ADAMTSL1: variants seen among roughly 807,000 people sequenced by gnomAD.
ADAMTSL1 encodes the protein ADAMTS like 1.
In ADAMTSL1, 126 loss-of-function variants were observed where a neutral mutation model predicts 201.8. The observed-to-expected ratio is 0.62, with a 90% CI of 0.54 to 0.72. The LOEUF (loss-of-function observed/expected upper bound fraction) is 0.72. Among genes scored for constraint, ADAMTSL1 ranks in the 30% least tolerant of loss-of-function variants. The pLI, the probability that ADAMTSL1 is intolerant of heterozygous loss-of-function variation, is 0.00. For synonymous variants in ADAMTSL1, 1,121 were observed against 903.4 expected (o/e 1.24, Z -4.32); for missense variants, 2,679 against 2,277.8 (o/e 1.18, Z -3.59).
At chr9:18,003,841 C>G (rs1479594830) in intron 1 of ADAMTSL1, among the ~76,000 whole-genome samples, 2 of 151,994 alleles carry the variant, frequency 1.3e-5, no homozygotes, top group African/African-American at 2.4e-5. Flanking sequence ...ACCAGATTCT[C>G]TGTATTTAGA....
At position 18,306,293 on chromosome 9, in the gene ADAMTSL1, A is replaced by G. The variant is rs535506350; in HGVS notation, c.207+142312A>G. Among the ~76,000 whole-genome samples, 49 of 152,314 alleles carry G rather than the reference A, an allele frequency of 3.2e-4. 1 individual carries two copies. In the South Asian group the frequency reaches 8.7e-3, roughly 27 times the overall value. ...AATCAGAATGCTTCTTCTCCTCCAA[A>G]GGATCACAACTCCTCACCAGCAAGG... On this transcript the variant is annotated intron_variant, in intron 2 of 29. Coordinates refer to the ADAMTSL1 transcript ENST00000680146.
At position 18,777,557 on chromosome 9, in the gene ADAMTSL1, C is replaced by T. The variant is rs1217621780; in HGVS notation, c.3328C>T (p.Arg1110Cys). Reference sequence around the variant, plus strand: ...GGCCCAGCTGGCCCAGGAGATCTTCCGCAGCCACCTGGAGCACCAGGACAC... The same window carrying T: ...GGCCCAGCTGGCCCAGGAGATCTTCTGCAGCCACCTGGAGCACCAGGACAC... ...LVAQLAQEIF[R>C]SHLEHQDTLL... is the part of the protein sequence containing the mutation. The change falls in exon 19 of 29, where the codon CGC (arginine) becomes TGC (cysteine). Residue 1110 changes from arginine (R) to cysteine (C), a missense_variant. By Grantham distance (180) the Arg-to-Cys change is radical. Transcript: ENST00000380548. 13 of 1,605,784 alleles carry T rather than the reference C, an allele frequency of 8.1e-6. 1 individual carries two copies. The highest frequency in any genetic ancestry group is 6.7e-5 in the South Asian group (6 of 89,488).
At chr9:18,647,471 G>T (rs1454864505) in intron 7 of ADAMTSL1, among the ~76,000 whole-genome samples, 1 of 151,812 alleles carries the variant, frequency 6.6e-6, no homozygotes, top group African/African-American at 2.4e-5. Flanking sequence ...TCTTTTAATT[G>T]TGATATTAGG....
chr9:18,475,413 A>G (rs1199455853), intron 1 of ADAMTSL1, among the ~76,000 whole-genome samples: 4 of 152,202 alleles, frequency 2.6e-5, no homozygotes, highest in Non-Finnish European at 4.4e-5. Flanking sequence ...AGTCCAGGAG[A>G]TTCATCAAAT....
At chr9:18,146,292 C>A (rs1184079661) in intron 1 of ADAMTSL1, among the ~76,000 whole-genome samples, 1 of 152,108 alleles carries the variant, frequency 6.6e-6, no homozygotes, top group African/African-American at 2.4e-5. Context: ...CAAAAACCTG[C>A]AGTCAGATAT....
rs201549951 is a variant in ADAMTSL1, at chr9:17,909,546, A to G, written c.87+2624A>G. On this transcript the variant is annotated intron_variant, in intron 1 of 29. Coordinates refer to the ADAMTSL1 transcript ENST00000680146. ...ACACATGCACACGTATGTTTATTGC[A>G]GCATTATTCACAATAGCAAAGACTT... Among the ~76,000 whole-genome samples the G allele has an allele frequency of 8.9e-5, 6 of 67,494 alleles. 1 individual carries two copies. The highest frequency in any genetic ancestry group is 1.8e-4 in the African/African-American group (6 of 33,494). 44.3% of individuals were successfully genotyped at this position (67,494 alleles called of 152,430 possible).
chr9:18,592,077 C>G (rs1470430498), intron 4 of ADAMTSL1, among the ~76,000 whole-genome samples: 1 of 152,156 alleles, frequency 6.6e-6, no homozygotes, highest in Non-Finnish European at 1.5e-5. Context: ...CAGTGCATCT[C>G]ATTGATTTGC....
At chr9:18,539,054 C>G (rs1819971208) in intron 3 of ADAMTSL1, among the ~76,000 whole-genome samples, 1 of 152,180 alleles carries the variant, frequency 6.6e-6, no homozygotes, top group African/African-American at 2.4e-5. Flanking sequence ...CCAAGAGCCA[C>G]TCTAAGATGG....
chr9:18,299,707 C>T (rs1242563572), intron 2 of ADAMTSL1, among the ~76,000 whole-genome samples: 1 of 152,172 alleles, frequency 6.6e-6, no homozygotes, highest in East Asian at 1.9e-4. Flanking sequence ...GGGCGAGAGT[C>T]TCCAAGTGTT....
In ADAMTSL1 at chr9:18,706,848, T is replaced by A; in HGVS notation, c.1676T>A (p.Val559Glu). ...GTGCTCCTGTCTTTCTCTCAGTCCG[T>A]GGCTGACCTGCCTATTGACGAGTGT... ...CQVLLSFSQS[V>E]ADLPIDECEG... Residue 559 changes from valine to glutamate, a missense_variant, in exon 14 of 29, where the codon GTG (valine) becomes GAG (glutamate). Transcript: ENST00000380548. 6.2e-7 allele frequency: 1 copy of A among 1,613,202 alleles called. No homozygotes were observed. Among genetic ancestry groups the A allele is most frequent in the Non-Finnish European group, 8.5e-7 (1 of 1,179,490 alleles).
At chr9:18,091,455 C>A (rs10810900) in intron 1 of ADAMTSL1, among the ~76,000 whole-genome samples, 5,636 of 152,174 alleles carry the variant, frequency 0.037, 353 homozygotes, top group East Asian at 0.33. Flanking sequence ...CTTCTGCGAT[C>A]TCTGAATGTG....
At position 18,182,123 on chromosome 9, in the gene ADAMTSL1, C is replaced by G. The variant is rs1342206787; in HGVS notation, c.207+18142C>G. Among the ~76,000 whole-genome samples, 25 of 126,378 alleles carry G rather than the reference C, an allele frequency of 2.0e-4. No homozygotes were observed. In the Admixed American group the frequency reaches 2.4e-3, roughly 12 times the overall value. The allele number at this position is 126,378 out of a possible 152,430, so 82.9% of individuals were successfully genotyped here. ...TGGACACAGGAAGGGGAACATCACA[C>G]TCTGGGGCCTGTTGTGGTGTGGGGG... On this transcript the variant is annotated intron_variant, in intron 2 of 29. Coordinates refer to the ADAMTSL1 transcript ENST00000680146.
At chr9:18,013,084 C>T (rs1820122246) in intron 1 of ADAMTSL1, among the ~76,000 whole-genome samples, 1 of 151,538 alleles carries the variant, frequency 6.6e-6, no homozygotes, top group Non-Finnish European at 1.5e-5. Context: ...GGGTATTATT[C>T]CATAATTATT....
intron 3 of ADAMTSL1, among the ~76,000 whole-genome samples, chr9:18,540,793 C>A (rs1156588883): frequency 2.6e-5 from 4 of 152,082 alleles, no homozygotes; most frequent in East Asian, 1.9e-4. Context: ...GATTTCTTAA[C>A]CTCAGGTAGG....
At chr9:18,827,776 G>A (rs1435500185) in intron 22 of ADAMTSL1, among the ~76,000 whole-genome samples, 2 of 152,174 alleles carry the variant, frequency 1.3e-5, no homozygotes, top group Non-Finnish European at 2.9e-5. Context: ...CTCTAATACA[G>A]TGTAGCAGTG....
At chr9:18,814,840 A>G (rs1823731477) in intron 20 of ADAMTSL1, among the ~76,000 whole-genome samples, 1 of 152,198 alleles carries the variant, frequency 6.6e-6, no homozygotes, top group Non-Finnish European at 1.5e-5. Flanking sequence ...AAGGTTACCT[A>G]TGTAACAACC....
chr9:18,818,354 T>C (rs1220656553), intron 21 of ADAMTSL1, among the ~76,000 whole-genome samples: 2 of 152,222 alleles, frequency 1.3e-5, no homozygotes, highest in Non-Finnish European at 2.9e-5. Context: ...ATCTTCATCA[T>C]ATGAAGGTTT....
At chr9:18,738,561 A>G (rs1395522245) in intron 15 of ADAMTSL1, among the ~76,000 whole-genome samples, 1 of 152,100 alleles carries the variant, frequency 6.6e-6, no homozygotes, top group Non-Finnish European at 1.5e-5. Flanking sequence ...GTTTTTTTGC[A>G]ACTTCTGTGT....
chr9:18,117,140 C>A (rs2776661), intron 1 of ADAMTSL1, among the ~76,000 whole-genome samples: 21,145 of 152,156 alleles, frequency 0.14, 1,617 homozygotes, highest in East Asian at 0.21. Flanking sequence ...GAACCACCAT[C>A]TTCTCCTATT....
Sources: allele counts gnomAD v4.1 joint callset (sites outside exome capture counted in the v4.1 genomes callset), GRCh38; gene constraint gnomAD v4.1.1; transcripts MANE v1.5; gene names NCBI Gene and HGNC (gene_info 2026-07-23, HGNC 2026-07-21).